Variants in CSNK2A1 observed in about 807,000 individuals in gnomAD.
The protein encoded by CSNK2A1 is casein kinase II subunit alpha.
Under a neutral mutation model 62.9 loss-of-function variants are expected in CSNK2A1, and 10 were observed. The observed-to-expected ratio is 0.16, with a 90% CI of 0.10 to 0.27. The LOEUF is 0.27. CSNK2A1 is among the 10% of genes least tolerant of loss of function. CSNK2A1 has a pLI of 1.00. For synonymous variants in CSNK2A1, 124 were observed against 167.8 expected, an observed-to-expected ratio of 0.74 and a Z score of 2.02; for missense variants, 160 against 492.0, an observed-to-expected ratio of 0.33 and a Z score of 6.38.
Position 498,010 on chromosome 20 carries a change from C to T in CSNK2A1, c.367-230G>A, listed in dbSNP as rs544887123. The T allele has an allele frequency of 1.3e-5, 6 of 454,202 alleles. No individual in the cohort carries two copies. The South Asian group carries it at 1.4e-4, about 11-fold the overall frequency. 28.1% of individuals were successfully genotyped at this position (454,202 alleles called of 1,614,324 possible). A position where few individuals can be genotyped will look rare whatever the true frequency, so the allele number is the denominator to read the frequency against. ...AACATATATTGCGGAAGCTATAATCCACTGTCAGAAACATACTGATCTAGA... is the reference window on the plus strand; with the variant it reads ...AACATATATTGCGGAAGCTATAATCTACTGTCAGAAACATACTGATCTAGA... On this transcript the variant is annotated intron_variant, in intron 6 of 13. Transcript: ENST00000217244.
intron 9 of CSNK2A1, among the ~76,000 whole-genome samples, chr20:490,088 G>A (rs7274861): frequency 1.3e-5 from 2 of 148,974 alleles, no homozygotes; most frequent in Admixed American, 1.3e-4. Context: ...CTGGAGTGCA[G>A]TGGCGCAATC....
chr20:499,204 C>A lies in CSNK2A1; in HGVS notation c.366+51G>T. 6.8e-7 allele frequency: 1 copy of A among 1,463,782 alleles called. No homozygotes were observed. The highest frequency in any genetic ancestry group is 1.4e-5 in the South Asian group (1 of 73,210). The allele number at this position is 1,463,782 out of a possible 1,614,324, so 90.7% of individuals were successfully genotyped here. ...CTTCTAACAGCATCATCCCCAAAGGCTATGTGGTCTAAAAACCCACTAGCC... is the reference window on the plus strand; with the variant it reads ...CTTCTAACAGCATCATCCCCAAAGGATATGTGGTCTAAAAACCCACTAGCC... On this transcript the variant is annotated intron_variant, in intron 6 of 13. Coordinates refer to ENST00000217244, the MANE Select transcript of CSNK2A1 (RefSeq NM_177559.3). This position sits in a 1 kb window ranked among gnomAD's most constrained non-coding sequence, Gnocchi z 4.2.
intron 13 of CSNK2A1, among the ~76,000 whole-genome samples, chr20:485,493 C>T (rs981237451): frequency 2.6e-5 from 4 of 152,078 alleles, no homozygotes; most frequent in African/African-American, 4.8e-5. Context: ...CTGCATCTTG[C>T]GTTTTAAATT....
chr20:541,045 T>C (rs894946394), intron 1 of CSNK2A1: 9 of 152,246 alleles, frequency 5.9e-5, no homozygotes, highest in African/African-American at 2.2e-4. Flanking sequence ...GGGACTGGTC[T>C]TTGCCACTAG....
chr20:541,173 AG>A, intron 1 of CSNK2A1: 1 of 152,222 alleles, frequency 6.6e-6, no homozygotes, highest in South Asian at 2.1e-4. Flanking sequence ...CTCTGATCCC[AG>A]TTGGAGAAAG....
intron 13 of CSNK2A1, among the ~76,000 whole-genome samples, chr20:485,327 C>T (rs2018074820): frequency 6.6e-6 from 1 of 150,988 alleles, no homozygotes; most frequent in Non-Finnish European, 1.5e-5. Flanking sequence ...GGATTAAAGG[C>T]GCCGCCGCCA....
At chr20:510,587 CAT>C (rs770430296) in intron 2 of CSNK2A1, among the ~76,000 whole-genome samples, 3 of 152,308 alleles carry the variant, frequency 2.0e-5, no homozygotes, top group Admixed American at 6.5e-5. Context: ...CACACGTTTA[CAT>C]GTGTATATAT....
intron 2 of CSNK2A1, among the ~76,000 whole-genome samples, chr20:525,836 T>TAAA (rs397864425): frequency 5.6e-5 from 4 of 71,036 alleles, no homozygotes; most frequent in Non-Finnish European, 8.4e-5. Context: ...TTAAAACTAT[T>TAAA]AAAAAAAAAA....
chr20:499,696 T>C lies in CSNK2A1; in HGVS notation c.315+137A>G. 2 of 763,600 alleles carry C rather than the reference T, an allele frequency of 2.6e-6. No homozygotes were observed. Among genetic ancestry groups the C allele is most frequent in the South Asian group, 3.4e-5 (2 of 58,788 alleles). 47.3% of individuals were successfully genotyped at this position (763,600 alleles called of 1,614,324 possible). On this transcript the variant is annotated intron_variant, in intron 5 of 13. Coordinates refer to ENST00000217244, the MANE Select transcript of CSNK2A1 (RefSeq NM_177559.3). This position sits in a 1 kb window ranked among gnomAD's most constrained non-coding sequence, Gnocchi z 4.2. ...GAAAGAAAGACCCAAGCTAGTTAAA[T>C]GGTATATCTGATTAAGCACTTTCAA...
chr20:538,163 T>C (rs1201508092), intron 1 of CSNK2A1, among the ~76,000 whole-genome samples: 2 of 152,198 alleles, frequency 1.3e-5, no homozygotes, highest in Non-Finnish European at 2.9e-5. Flanking sequence ...TTGGCCAGGC[T>C]GGTCTTGTCC....
Position 499,276 on chromosome 20 carries a change from G to A in CSNK2A1, c.345C>T (p.His115=), listed in dbSNP as rs1277395515. 1.6e-5 allele frequency: 25 copies of A among 1,608,196 alleles called. No individual in the cohort carries two copies. The highest frequency in any genetic ancestry group is 1.8e-5 in the Non-Finnish European group (21 of 1,177,210). ...ATACCTTGAAGTCTGTGTTGTTTAC[G>A]TGTTCAAAAACCAAGGCGGGGGTTC... is the stretch of plus-strand genomic sequence containing the variant. ...VSRTPALVFE[H]VNNTDFKQLY... Residue 115 remains histidine, a synonymous_variant, in exon 6 of 14, where the codon CAC becomes CAT. Coordinates refer to ENST00000217244, the MANE Select transcript of CSNK2A1 (RefSeq NM_177559.3). This position sits in a 1 kb window ranked among gnomAD's most constrained non-coding sequence, Gnocchi z 4.2.
At chr20:491,358 T>C (rs1393736299) in intron 9 of CSNK2A1, among the ~76,000 whole-genome samples, 1 of 152,202 alleles carries the variant, frequency 6.6e-6, no homozygotes, top group Non-Finnish European at 1.5e-5. Flanking sequence ...TTGAATTTAC[T>C]CTGAAGATTG....
intron 9 of CSNK2A1, among the ~76,000 whole-genome samples, chr20:491,271 G>C (rs1289183682): frequency 6.6e-6 from 1 of 152,174 alleles, no homozygotes; most frequent in Non-Finnish European, 1.5e-5. Context: ...TCTGTGAGGA[G>C]AAAGAAGGCT....
intron 3 of CSNK2A1, 92 bp from the exon 4 acceptor site, chr20:505,321 T>C: frequency 1.5e-6 from 1 of 684,412 alleles, no homozygotes; most frequent in Non-Finnish European, 2.4e-6. Context: ...GTAATAGAAA[T>C]AAGAAGTATT....
intron 12 of CSNK2A1, chr20:486,720 A>T: frequency 2.4e-6 from 1 of 418,612 alleles, no homozygotes; most frequent in East Asian, 4.3e-5. Flanking sequence ...TTTATAGCAG[A>T]GCGAATTTAA....
chr20:528,137 A>C (rs1290550307), intron 1 of CSNK2A1, 88 bp from the exon 2 acceptor site: 1 of 152,168 alleles, frequency 6.6e-6, no homozygotes, highest in Non-Finnish European at 1.5e-5. Flanking sequence ...GTACACTAGA[A>C]CCACTACAAC....
In CSNK2A1 at chr20:487,510, G is replaced by A; in HGVS notation, c.890C>T (p.Ala297Val). ...CAGCAGTTTGTCCAGGAAATCCAAG[G>A]CCTCAGGGCTGACAAGGTGCTGATT... The part of the protein sequence containing the change: ...SENQHLVSPE[A>V]LDFLDKLLRY... Residue 297 changes from alanine to valine, a missense_variant, in exon 12 of 14, where the codon GCC (alanine) becomes GTC (valine). Ala to Val is a moderately conservative substitution (Grantham distance 64). This residue lies in a region of CSNK2A1 where 94 missense variants were observed against 357.6 expected (regional missense o/e 0.26). Coordinates refer to ENST00000217244, the MANE Select transcript of CSNK2A1 (RefSeq NM_177559.3). 1 of 1,614,226 alleles carries A rather than the reference G, an allele frequency of 6.2e-7. No homozygotes were observed. Among genetic ancestry groups the A allele is most frequent in the Non-Finnish European group, 8.5e-7 (1 of 1,180,046 alleles).
At chr20:510,206 CTT>C (rs1352037150) in intron 2 of CSNK2A1, 3 of 145,644 alleles carry the variant, frequency 2.1e-5, no homozygotes, top group East Asian at 4.0e-4. Flanking sequence ...GAGTTTCGCT[CTT>C]GTTGCTCAGG....
rs746624346 is a variant in CSNK2A1, at chr20:505,351, GTTTTTTTT to G, written c.102-130_102-123del. ...AGTATTTCAAACAATTCCCAAATAG[GTTTTTTTT>G]TTTTTTTTTTTTTTTTTGGAGATGG... On this transcript the variant is annotated intron_variant, in intron 3 of 13. Coordinates refer to ENST00000217244, the MANE Select transcript of CSNK2A1 (RefSeq NM_177559.3). The G allele has an allele frequency of 1.7e-3, 411 of 236,210 alleles. 2 individuals carry two copies. The highest frequency in any genetic ancestry group is 0.016 in the African/African-American group (376 of 23,712). The allele number at this position is 236,210 out of a possible 1,614,324, so 14.6% of individuals were successfully genotyped here. A position where few individuals can be genotyped will look rare whatever the true frequency, so the allele number is the denominator to read the frequency against.
Sources: allele counts gnomAD v4.1 joint callset (sites outside exome capture counted in the v4.1 genomes callset), GRCh38; gene constraint gnomAD v4.1.1; regional missense constraint gnomAD v4.1.1; non-coding constraint Gnocchi (gnomAD v3.1); transcripts MANE v1.5; gene names NCBI Gene and HGNC (gene_info 2026-07-23, HGNC 2026-07-21).